The following ABHD17C variants were observed in gnomAD, a reference collection of about 807,000 sequenced individuals.
ABHD17C encodes abhydrolase domain containing 17C, depalmitoylase, also known as alpha/beta hydrolase domain-containing protein 17C.
In ABHD17C, 11 loss-of-function variants were observed where a neutral mutation model predicts 27.9. The ratio of observed to expected loss-of-function variants is 0.39; its 90% CI spans 0.25 to 0.65. ABHD17C has a LOEUF of 0.65. Among genes scored for constraint, ABHD17C ranks in the 30% least tolerant of loss-of-function variants. The pLI, the probability that ABHD17C is intolerant of heterozygous loss-of-function variation, is 0.45. For synonymous variants in ABHD17C, 233 were observed against 209.1 expected (o/e 1.11, Z -0.98); for missense variants, 280 against 470.2 (o/e 0.60, Z 3.74).
intron 1 of ABHD17C, among the ~76,000 whole-genome samples, chr15:80,746,077 T>C (rs1460340363): frequency 1.3e-5 from 2 of 152,266 alleles, no homozygotes; most frequent in African/African-American, 2.4e-5. Flanking sequence ...TGAGCATTCT[T>C]GTACACATCC....
intron 1 of ABHD17C, among the ~76,000 whole-genome samples, chr15:80,744,088 A>C (rs1895249578): frequency 6.6e-6 from 1 of 152,140 alleles, no homozygotes; most frequent in African/African-American, 2.4e-5. Flanking sequence ...ACACAAACTT[A>C]ATTCATTGTC....
At chr15:80,709,184 GT>G (rs1894694296) in intron 1 of ABHD17C, among the ~76,000 whole-genome samples, 1 of 151,212 alleles carries the variant, frequency 6.6e-6, no homozygotes. Context: ...TAAATATATA[GT>G]TTTTTAAAAA....
intron 1 of ABHD17C, among the ~76,000 whole-genome samples, chr15:80,746,189 TGAA>T (rs1895280521): frequency 1.3e-5 from 2 of 152,216 alleles, no homozygotes; most frequent in African/African-American, 4.8e-5. Flanking sequence ...TTTTTACTAA[TGAA>T]GTTGAATAAC....
At chr15:80,714,355 T>C (rs572437778) in intron 1 of ABHD17C, among the ~76,000 whole-genome samples, 6 of 152,328 alleles carry the variant, frequency 3.9e-5, no homozygotes, top group African/African-American at 1.4e-4. Context: ...TTTCACACAT[T>C]ACATAATTTT....
rs67320992 is a variant in ABHD17C at position 80,713,354 on chromosome 15, C to CTTTTTTTTTTTTTTTTT, written c.590+17347_590+17363dup. Among the ~76,000 whole-genome samples, 163 of 43,846 alleles carry CTTTTTTTTTTTTTTTTT rather than the reference C, an allele frequency of 3.7e-3. 38 individuals are homozygous for CTTTTTTTTTTTTTTTTT. Among genetic ancestry groups the CTTTTTTTTTTTTTTTTT allele is most frequent in the East Asian group, 0.018 (17 of 924 alleles). The allele number at this position is 43,846 out of a possible 152,430, so 28.8% of individuals were successfully genotyped here. A position where few individuals can be genotyped will look rare whatever the true frequency, so the allele number is the denominator to read the frequency against. On this transcript the variant is annotated intron_variant, in intron 1 of 2. Coordinates refer to ENST00000258884, the MANE Select transcript of ABHD17C (RefSeq NM_021214.2). The stretch of plus-strand genomic sequence containing the variant: ...GAAGGAAAGCCACTGAGGTCTTGTT[C>CTTTTTTTTTTTTTTTTT]TTTTTTTTTTTTTTTTTTTTTTTTT...
At chr15:80,753,813 A>G (rs1159007768) in intron 2 of ABHD17C, among the ~76,000 whole-genome samples, 2 of 152,244 alleles carry the variant, frequency 1.3e-5, no homozygotes, top group Non-Finnish European at 2.9e-5. Flanking sequence ...GAAAAAAATA[A>G]AGCAAGAAAA....
intron 1 of ABHD17C, among the ~76,000 whole-genome samples, chr15:80,707,936 T>C (rs1342792422): frequency 6.6e-6 from 1 of 152,220 alleles, no homozygotes; most frequent in East Asian, 1.9e-4. Flanking sequence ...AAAATATAAA[T>C]GGTTTCCAAT....
intron 1 of ABHD17C, among the ~76,000 whole-genome samples, chr15:80,736,333 G>A (rs965999787): frequency 3.9e-5 from 6 of 152,088 alleles, no homozygotes; most frequent in African/African-American, 1.4e-4. Context: ...GTACATTTTA[G>A]GTGATTGATG....
chr15:80,730,906 A>C (rs1236220271), intron 1 of ABHD17C, among the ~76,000 whole-genome samples: 1 of 152,226 alleles, frequency 6.6e-6, no homozygotes, highest in East Asian at 1.9e-4. Context: ...CGATGTTTTT[A>C]GTGGCCAATA....
intron 1 of ABHD17C, among the ~76,000 whole-genome samples, chr15:80,704,143 C>T (rs1596059113): frequency 6.6e-6 from 1 of 152,140 alleles, no homozygotes. Context: ...TGGCCAGGAA[C>T]CCACTAGAGT....
chr15:80,708,751 G>C (rs558971424), intron 1 of ABHD17C, among the ~76,000 whole-genome samples: 1 of 152,302 alleles, frequency 6.6e-6, no homozygotes, highest in South Asian at 2.1e-4. Context: ...TATTGGTTGA[G>C]TAAATAAACA....
At chr15:80,703,234 G>A (rs188911607) in intron 1 of ABHD17C, 3 of 152,372 alleles carry the variant, frequency 2.0e-5, no homozygotes, top group African/African-American at 7.2e-5. Flanking sequence ...AAGCTTCTCT[G>A]AGATAAGGCA....
chr15:80,738,276 A>G (rs946693688), intron 1 of ABHD17C, among the ~76,000 whole-genome samples: 4 of 152,216 alleles, frequency 2.6e-5, no homozygotes, highest in African/African-American at 7.2e-5. Context: ...CTTCTCAACC[A>G]TAAGCTGATA....
At chr15:80,726,101 C>T (rs1197209241) in intron 1 of ABHD17C, among the ~76,000 whole-genome samples, 3 of 152,166 alleles carry the variant, frequency 2.0e-5, no homozygotes, top group Non-Finnish European at 4.4e-5. Context: ...AGGGATGGGC[C>T]AAATTAAAGG....
In ABHD17C at chr15:80,749,327, A is replaced by T. The variant is rs151025459; in HGVS notation, c.591-186A>T. Among the ~76,000 whole-genome samples, 4 of 152,316 alleles carry T rather than the reference A, an allele frequency of 2.6e-5. No homozygotes were observed. The South Asian group carries it at 6.2e-4, about 24-fold the overall frequency. ...GCAGAATCATAGTCACTTAGTACCA[A>T]AACAGGCCCCTAACAATTGTTTTTG... On this transcript the variant is annotated intron_variant, in intron 1 of 2. Coordinates refer to ENST00000258884, the MANE Select transcript of ABHD17C (RefSeq NM_021214.2).
At chr15:80,749,041 A>G (rs1895330427) in intron 1 of ABHD17C, among the ~76,000 whole-genome samples, 1 of 152,190 alleles carries the variant, frequency 6.6e-6, no homozygotes, top group Non-Finnish European at 1.5e-5. Flanking sequence ...ATTGTCTCCC[A>G]GTAAAACTTT....
At chr15:80,704,195 G>A (rs190697519) in intron 1 of ABHD17C, among the ~76,000 whole-genome samples, 40 of 152,244 alleles carry the variant, frequency 2.6e-4, no homozygotes, top group African/African-American at 8.9e-4. Flanking sequence ...AACCACATTC[G>A]TATTTGTGAG....
chr15:80,729,409 T>G (rs149344502), intron 1 of ABHD17C, among the ~76,000 whole-genome samples: 103 of 152,358 alleles, frequency 6.8e-4, no homozygotes, highest in African/African-American at 2.4e-3. Context: ...TTCACATTTT[T>G]CAATCTGAGG....
intron 1 of ABHD17C, among the ~76,000 whole-genome samples, chr15:80,728,960 C>T (rs1895020114): frequency 6.6e-6 from 1 of 152,222 alleles, no homozygotes. Context: ...GTTGATGAGA[C>T]ACGTGAGTGC....
Sources: allele counts gnomAD v4.1 joint callset (sites outside exome capture counted in the v4.1 genomes callset), GRCh38; gene constraint gnomAD v4.1.1; transcripts MANE v1.5; gene names NCBI Gene and HGNC (gene_info 2026-07-23, HGNC 2026-07-21).